The following SYT1 variants were observed in gnomAD, a reference collection of about 807,000 sequenced individuals.
SYT1 encodes synaptotagmin 1.
Under a neutral mutation model 44.8 loss-of-function variants are expected in SYT1, and 8 were observed. The observed-to-expected ratio is 0.18, with a 90% CI of 0.10 to 0.32. SYT1 has a LOEUF of 0.32. Among genes scored for constraint, SYT1 ranks in the 10% least tolerant of loss-of-function variants. The pLI is 1.00. For missense variants in SYT1, 286 were observed against 509.3 expected (o/e 0.56, Z 4.22); for synonymous variants, 154 against 188.8 (o/e 0.82, Z 1.51).
chr12:79,043,074 G>A (rs1592692769), intron 2 of SYT1, among the ~76,000 whole-genome samples: 2 of 148,562 alleles, frequency 1.3e-5, no homozygotes, highest in Admixed American at 6.8e-5. Flanking sequence ...AATAGGTGTG[G>A]TGTGGTGCTG....
intron 5 of SYT1, among the ~76,000 whole-genome samples, chr12:79,289,358 T>C (rs1879461088): frequency 6.6e-6 from 1 of 152,176 alleles, no homozygotes; most frequent in African/African-American, 2.4e-5. Context: ...GATATTATAA[T>C]AGCTACTGAT....
chr12:79,041,831 T>A (rs1204033748), intron 2 of SYT1, among the ~76,000 whole-genome samples: 1 of 152,050 alleles, frequency 6.6e-6, no homozygotes, highest in Admixed American at 6.5e-5. Context: ...GTTTTTAGCA[T>A]GAAGGGTTGT....
At chr12:79,092,831 C>T (rs2138010274) in intron 3 of SYT1, among the ~76,000 whole-genome samples, 1 of 151,814 alleles carries the variant, frequency 6.6e-6, no homozygotes, top group African/African-American at 2.4e-5. Flanking sequence ...AAACCACTGT[C>T]TGTCAATGAC....
intron 8 of SYT1, among the ~76,000 whole-genome samples, chr12:79,311,568 C>T (rs1171179013): frequency 3.9e-4 from 57 of 147,466 alleles, no homozygotes; most frequent in Non-Finnish European, 6.5e-4. Context: ...CACATGCACC[C>T]GTATGTTTAT....
intron 3 of SYT1, among the ~76,000 whole-genome samples, chr12:79,153,906 T>G (rs1870433327): frequency 1.3e-5 from 2 of 152,106 alleles, no homozygotes; most frequent in African/African-American, 4.8e-5. Flanking sequence ...AAATCACTGT[T>G]GCTAATAATG....
intron 9 of SYT1, among the ~76,000 whole-genome samples, chr12:79,433,958 T>C (rs1417016658): frequency 1.3e-5 from 2 of 152,240 alleles, no homozygotes; most frequent in Non-Finnish European, 2.9e-5. Context: ...TTTCCAGCTT[T>C]TGTATATGCA....
intron 1 of SYT1, among the ~76,000 whole-genome samples, chr12:78,911,452 G>T (rs1408466028): frequency 6.6e-6 from 1 of 151,816 alleles, no homozygotes. Context: ...AACATTTCAT[G>T]TCTATGTACA....
At chr12:79,304,169 A>G (rs545939380) in intron 8 of SYT1, among the ~76,000 whole-genome samples, 1 of 152,348 alleles carries the variant, frequency 6.6e-6, no homozygotes, top group African/African-American at 2.4e-5. Flanking sequence ...AACCATGTCT[A>G]TGGTTCCTCA....
At chr12:79,353,680 A>G in intron 9 of SYT1, 61 bp downstream of exon 9, 1 of 1,191,310 alleles carries the variant, frequency 8.4e-7, no homozygotes, top group Non-Finnish European at 1.3e-6. Context: ...TACCAAATGC[A>G]TGGCGCACAT....
intron 3 of SYT1, among the ~76,000 whole-genome samples, chr12:79,115,630 A>C (rs1879235871): frequency 6.6e-6 from 1 of 152,242 alleles, no homozygotes; most frequent in African/African-American, 2.4e-5. Flanking sequence ...CCTCTGCACA[A>C]AAACATCTTG....
chr12:79,113,944 T>A (rs898951855), intron 3 of SYT1, among the ~76,000 whole-genome samples: 5 of 152,142 alleles, frequency 3.3e-5, no homozygotes, highest in Non-Finnish European at 7.4e-5. Flanking sequence ...GCTGCCTCCA[T>A]CCGTTCATTC....
chr12:78,928,676 T>C (rs1877442246), intron 1 of SYT1, among the ~76,000 whole-genome samples: 1 of 152,100 alleles, frequency 6.6e-6, no homozygotes, highest in African/African-American at 2.4e-5. Context: ...AAGTGACTCA[T>C]GAGCAAATAG....
At position 78,890,059 on chromosome 12, in the gene SYT1, T is replaced by C. The variant is rs376694231; in HGVS notation, c.-217+24950T>C. Among the ~76,000 whole-genome samples the C allele has an allele frequency of 1.1e-4, 17 of 152,118 alleles. No homozygotes were observed. The East Asian group carries it at 3.1e-3, about 28-fold the overall frequency. ...TTAAAAGAAAAAAGTTCAAATTTTA[T>C]GGCTAAAGAGAGCAGACATATCCAT... On this transcript the variant is annotated intron_variant, in intron 1 of 10. Coordinates refer to ENST00000261205, the MANE Select transcript of SYT1 (RefSeq NM_005639.3).
chr12:79,066,490 T>TAAA (rs1038808316), intron 3 of SYT1, among the ~76,000 whole-genome samples: 1 of 139,728 alleles, frequency 7.2e-6, no homozygotes, highest in African/African-American at 2.7e-5. Flanking sequence ...AAAAAAAAAT[T>TAAA]AAAAAAAAAA....
chr12:79,056,116 A>C (rs940711301), intron 3 of SYT1, among the ~76,000 whole-genome samples: 1 of 152,080 alleles, frequency 6.6e-6, no homozygotes, highest in Admixed American at 6.6e-5. Context: ...AGGTTAGTAT[A>C]AGTACATGCT....
At chr12:78,880,936 GT>G (rs1314167752) in intron 1 of SYT1, among the ~76,000 whole-genome samples, 1 of 151,328 alleles carries the variant, frequency 6.6e-6, no homozygotes, top group Non-Finnish European at 1.5e-5. Flanking sequence ...TTGCTAATTT[GT>G]TTCTCTAATC....
At chr12:79,349,041 G>GAAAGAAAGAAAGAAAGAAAGAA (rs1565919939) in intron 8 of SYT1, among the ~76,000 whole-genome samples, 97 of 113,030 alleles carry the variant, frequency 8.6e-4, no homozygotes, top group African/African-American at 3.0e-3. Flanking sequence ...GAAAAAGAAA[G>GAAAGAAAGAAAGAAAGAAAGAA]AAAGAAAGAA....
chr12:78,954,737 T>C (rs1879126462), intron 1 of SYT1, among the ~76,000 whole-genome samples: 1 of 152,066 alleles, frequency 6.6e-6, no homozygotes, highest in Non-Finnish European at 1.5e-5. Flanking sequence ...AAAAATAAAA[T>C]ATGTAACTCA....
intron 8 of SYT1, among the ~76,000 whole-genome samples, chr12:79,328,845 CA>C (rs986493458): frequency 0.027 from 2,468 of 92,064 alleles, 37 homozygotes; most frequent in African/African-American, 0.075. Context: ...GACTCCATCT[CA>C]AAAAAAAAAA....
Sources: gnomAD v4.1 joint callset for allele counts (sites outside exome capture counted in the v4.1 genomes callset) on GRCh38, gnomAD v4.1.1 for gene constraint, MANE v1.5 for transcripts, NCBI Gene and HGNC (gene_info 2026-07-23, HGNC 2026-07-21) for gene names.